Variants in MOCOS observed in about 807,000 individuals in gnomAD.
The protein encoded by MOCOS is human molybdenum cofactor sulfurase.
Under a neutral mutation model 83.6 loss-of-function variants are expected in MOCOS, and 86 were observed. The observed-to-expected ratio is 1.03, with a 90% CI of 0.86 to 1.23. The LOEUF (loss-of-function observed/expected upper bound fraction) is 1.23. Ranked by LOEUF, MOCOS falls within the 50% of genes most tolerant of loss-of-function variation. The pLI is 0.00. For missense variants in MOCOS, 1,120 were observed against 1,126.9 expected (o/e 0.99, Z 0.09); for synonymous variants, 445 against 434.7 (o/e 1.02, Z -0.29).
At chr18:36,257,990 A>G (rs1403608788) in intron 12 of MOCOS, among the ~76,000 whole-genome samples, 1 of 152,126 alleles carries the variant, frequency 6.6e-6, no homozygotes, top group Non-Finnish European at 1.5e-5. Context: ...TCATTCTCAT[A>G]CTGTGGCCCA....
chr18:36,210,850 C>CAAAGAAAAAAA, intron 6 of MOCOS, among the ~76,000 whole-genome samples: 1 of 48,070 alleles, frequency 2.1e-5, no homozygotes, highest in Admixed American at 3.1e-4. Flanking sequence ...GACTCTGTCT[C>CAAAGAAAAAAA]AAAAAAAAAA....
chr18:36,219,128 A>T (rs1481269539), intron 8 of MOCOS, among the ~76,000 whole-genome samples: 2 of 150,866 alleles, frequency 1.3e-5, no homozygotes, highest in South Asian at 2.1e-4. Context: ...CAGTCTCCCA[A>T]AGTGCTGGGA....
chr18:36,260,014 C>A (rs773960505), intron 12 of MOCOS, 23 bp from the exon 13 acceptor site: 58 of 1,613,888 alleles, frequency 3.6e-5, no homozygotes, highest in Non-Finnish European at 4.7e-5. Flanking sequence ...CCCCTACTTA[C>A]TCTTTTTGGT....
At chr18:36,202,996 T>G in intron 4 of MOCOS, 117 bp from the exon 5 acceptor site, 1 of 1,017,608 alleles carries the variant, frequency 9.8e-7, no homozygotes, top group South Asian at 1.3e-5. Context: ...GGTGGAGACA[T>G]AAAGCCAAAC....
chr18:36,258,554 A>G (rs2091651085), intron 12 of MOCOS, among the ~76,000 whole-genome samples: 1 of 152,078 alleles, frequency 6.6e-6, no homozygotes, highest in African/African-American at 2.4e-5. Flanking sequence ...CTGGCTTTTC[A>G]TACGTTGTTT....
chr18:36,248,373 A>G (rs2091610205), intron 9 of MOCOS, among the ~76,000 whole-genome samples: 2 of 152,026 alleles, frequency 1.3e-5, no homozygotes, highest in African/African-American at 2.4e-5. Context: ...CTTTGCAAAC[A>G]TTTCCTCTCA....
intron 11 of MOCOS, 154 bp from the exon 12 acceptor site, chr18:36,256,814 C>T (rs911319158): frequency 2.8e-6 from 2 of 717,780 alleles, no homozygotes; most frequent in East Asian, 2.6e-5. Context: ...GAGATATGCA[C>T]CATGCTTAGG....
rs747930791 is a variant in MOCOS, at chr18:36,215,877, C to T, written c.1697C>T (p.Thr566Ile). 4 of 1,614,112 alleles carry T rather than the reference C, an allele frequency of 2.5e-6. No individual in the cohort carries two copies. The African/African-American group carries it at 4.0e-5, about 16-fold the overall frequency. The change falls in exon 8 of 15, where the codon ACT becomes ATT. Residue 566 changes from threonine (T) to isoleucine (I), a missense_variant. Thr to Ile is a moderately conservative substitution (Grantham distance 89). Coordinates refer to ENST00000261326, the MANE Select transcript of MOCOS (RefSeq NM_017947.4). ...TGTGATGTCGCCAGAACCCAGCCGA[C>T]TCCTTCAGAGAAAGCTGCAGGAGTC... ...PVCDVARTQPTPSEKAAGVLE... is the reference protein window; with the variant it reads ...PVCDVARTQPIPSEKAAGVLE...
At chr18:36,196,759 G>T (rs1039353708) in intron 2 of MOCOS, among the ~76,000 whole-genome samples, 1 of 151,858 alleles carries the variant, frequency 6.6e-6, no homozygotes, top group African/African-American at 2.4e-5. Flanking sequence ...ATGATGCAGC[G>T]CTAAAGCCAA....
intron 11 of MOCOS, 144 bp downstream of exon 11, chr18:36,251,427 C>A: frequency 8.8e-7 from 1 of 1,137,438 alleles, no homozygotes; most frequent in Non-Finnish European, 1.3e-6. Flanking sequence ...AAACCTACTG[C>A]AGTAGCCCCA....
At chr18:36,265,740 GATATATAT>G (rs35832849) in intron 13 of MOCOS, among the ~76,000 whole-genome samples, 5 of 149,342 alleles carry the variant, frequency 3.3e-5, no homozygotes, top group Admixed American at 2.7e-4. Context: ...GGTACGTATG[GATATATAT>G]ATATATATAT....
chr18:36,241,101 G>A (rs893826017), intron 9 of MOCOS, among the ~76,000 whole-genome samples: 3 of 152,094 alleles, frequency 2.0e-5, no homozygotes, highest in South Asian at 4.1e-4. Flanking sequence ...CTTCTGCGTC[G>A]CTCAGGCTGG....
At chr18:36,241,584 G>A (rs1485961767) in intron 9 of MOCOS, among the ~76,000 whole-genome samples, 6 of 152,212 alleles carry the variant, frequency 3.9e-5, no homozygotes, top group African/African-American at 1.4e-4. Context: ...GGGGTCTGGA[G>A]GACAGTGGCC....
chr18:36,223,424 T>C (rs1381533419), intron 9 of MOCOS, among the ~76,000 whole-genome samples: 3 of 152,166 alleles, frequency 2.0e-5, no homozygotes, highest in Non-Finnish European at 4.4e-5. Context: ...ATATCTGGAC[T>C]CTCTAGCCTG....
Position 36,215,581 on chromosome 18 carries a change from T to C in MOCOS, c.1401T>C (p.Ile467=). Residue 467 remains isoleucine, a synonymous_variant, in exon 8 of 15, where the codon ATT becomes ATC. Coordinates refer to ENST00000261326, the MANE Select transcript of MOCOS (RefSeq NM_017947.4). ...IDGQPTGSVR[I]SFGYMSTLDD... is the part of the protein sequence containing the mutation. ...GGCAGCCCACAGGATCTGTGAGGAT[T>C]TCATTTGGATACATGTCGACGCTGG... 7 of 1,614,150 alleles carry C rather than the reference T, an allele frequency of 4.3e-6. No individual in the cohort carries two copies. The highest frequency in any genetic ancestry group is 5.9e-6 in the Non-Finnish European group (7 of 1,180,032).
intron 8 of MOCOS, among the ~76,000 whole-genome samples, chr18:36,217,568 T>C (rs889225700): frequency 1.3e-5 from 2 of 152,024 alleles, no homozygotes; most frequent in Non-Finnish European, 2.9e-5. Context: ...AAAGCCCTCA[T>C]TGAAGGGACA....
chr18:36,226,025 T>C (rs1849121306), intron 9 of MOCOS, among the ~76,000 whole-genome samples: 1 of 152,102 alleles, frequency 6.6e-6, no homozygotes, highest in South Asian at 2.1e-4. Flanking sequence ...ATTCTTCTGC[T>C]GTTGGGTGAA....
intron 11 of MOCOS, 129 bp downstream of exon 11, chr18:36,251,412 A>T: frequency 7.8e-7 from 1 of 1,278,798 alleles, no homozygotes; most frequent in Non-Finnish European, 1.1e-6. Context: ...ATCAGCCTTT[A>T]GCAGAAACCT....
At chr18:36,219,168 TTTA>T (rs1045510701) in intron 8 of MOCOS, among the ~76,000 whole-genome samples, 5 of 150,788 alleles carry the variant, frequency 3.3e-5, no homozygotes, top group African/African-American at 9.8e-5. Flanking sequence ...TGCCTGGCTA[TTTA>T]TTATTATTAT....
Sources: gnomAD v4.1 joint callset for allele counts (sites outside exome capture counted in the v4.1 genomes callset) on GRCh38, gnomAD v4.1.1 for gene constraint, MANE v1.5 for transcripts, NCBI Gene and HGNC (gene_info 2026-07-23, HGNC 2026-07-21) for gene names.